The following IL1RAPL2 variants were observed in gnomAD, a reference collection of about 807,000 sequenced individuals.
The protein encoded by IL1RAPL2 is interleukin 1 receptor accessory protein like 2, also known as X-linked interleukin-1 receptor accessory protein-like 2.
IL1RAPL2 carries 3 observed loss-of-function variants against 44.1 expected under a neutral mutation model. The ratio of observed to expected loss-of-function variants is 0.07; its 90% CI spans 0.03 to 0.18. IL1RAPL2 has a LOEUF of 0.18. IL1RAPL2 is among the 10% of genes least tolerant of loss of function. The probability of loss-of-function intolerance (pLI) is 1.00; values close to 1 mark genes in which losing one functional copy is unlikely to be tolerated. For missense variants in IL1RAPL2, 391 were observed against 496.4 expected (o/e 0.79, Z 2.02); for synonymous variants, 181 against 178.8 (o/e 1.01, Z -0.10).
intron 2 of IL1RAPL2, among the ~76,000 whole-genome samples, chrX:104,734,604 T>C (rs1039485501): frequency 5.4e-5 from 6 of 111,705 alleles, no homozygotes; most frequent in Admixed American, 9.5e-5. Flanking sequence ...AAAACTACAG[T>C]GACAGAGTGG....
intron 1 of IL1RAPL2, among the ~76,000 whole-genome samples, chrX:104,597,911 A>AT (rs2147999132): frequency 8.9e-6 from 1 of 111,887 alleles, no homozygotes; most frequent in East Asian, 2.8e-4. Context: ...CATTTTAACC[A>AT]TTTTTCATAG....
At chrX:105,174,488 A>G (rs1275648990) in intron 2 of IL1RAPL2, among the ~76,000 whole-genome samples, 4 of 111,766 alleles carry the variant, frequency 3.6e-5, no homozygotes, top group Non-Finnish European at 3.8e-5. Context: ...GGAGGATGGT[A>G]CCACAGCTGG....
intron 2 of IL1RAPL2, among the ~76,000 whole-genome samples, chrX:104,725,548 G>T (rs1255872212): frequency 8.9e-6 from 1 of 111,749 alleles, no homozygotes; most frequent in Non-Finnish European, 1.9e-5. Context: ...AACATTTGTT[G>T]TTTCCTGACT....
At chrX:104,759,684 A>G (rs1932395509) in intron 2 of IL1RAPL2, among the ~76,000 whole-genome samples, 1 of 111,415 alleles carries the variant, frequency 9.0e-6, no homozygotes, top group South Asian at 3.8e-4. Context: ...TTGTGGATAC[A>G]TAGTAGATGT....
chrX:105,766,931 G>A, intron 10 of IL1RAPL2, 33 bp from the exon 11 acceptor site: 1 of 1,074,089 alleles, frequency 9.3e-7, no homozygotes, highest in Non-Finnish European at 1.3e-6. Flanking sequence ...CAATGTCTTT[G>A]TTTTACTCTT....
intron 2 of IL1RAPL2, among the ~76,000 whole-genome samples, chrX:105,070,999 T>G (rs1433384388): frequency 9.0e-6 from 1 of 111,681 alleles, no homozygotes; most frequent in African/African-American, 3.3e-5. Flanking sequence ...GCACTTGAAA[T>G]GTGACTAGTG....
intron 6 of IL1RAPL2, among the ~76,000 whole-genome samples, chrX:105,632,375 T>G (rs889834634): frequency 8.9e-6 from 1 of 111,871 alleles, no homozygotes; most frequent in African/African-American, 3.2e-5. Flanking sequence ...AGTTTGACAT[T>G]GACATGGGGA....
rs1023291556 is a variant in IL1RAPL2 at position 105,233,152 on chromosome X, C to T, written c.357-666C>T. ...CAAAAAAATTAGCCGGGCGTGGTGG[C>T]GGGTGCCTGTAGTTCCAGCTACTCG... On this transcript the variant is annotated intron_variant, in intron 3 of 10. Coordinates refer to ENST00000372582, the MANE Select transcript of IL1RAPL2 (RefSeq NM_017416.2). 6.3e-5 allele frequency among the ~76,000 whole-genome samples: 7 copies of T among 111,155 alleles called. No individual in the cohort carries two copies. In the South Asian group the frequency reaches 1.2e-3, roughly 18 times the overall value.
chrX:105,022,128 G>A (rs1217745624), intron 2 of IL1RAPL2, among the ~76,000 whole-genome samples: 1 of 110,644 alleles, frequency 9.0e-6, no homozygotes, highest in Non-Finnish European at 1.9e-5. Flanking sequence ...ATTAGATGCA[G>A]CATCCCATAC....
At chrX:104,921,002 G>GC (rs1343520873) in intron 2 of IL1RAPL2, among the ~76,000 whole-genome samples, 1 of 111,051 alleles carries the variant, frequency 9.0e-6, no homozygotes, top group Non-Finnish European at 1.9e-5. Flanking sequence ...ACCAGGACTG[G>GC]CCCCCAGACC....
chrX:105,741,703 A>T (rs2038501541), intron 8 of IL1RAPL2, among the ~76,000 whole-genome samples: 1 of 111,955 alleles, frequency 8.9e-6, no homozygotes, highest in Non-Finnish European at 1.9e-5. Flanking sequence ...ATCTTAAAAT[A>T]AAGGCATATT....
At chrX:104,631,506 T>C (rs1266829873) in intron 1 of IL1RAPL2, among the ~76,000 whole-genome samples, 5 of 111,201 alleles carry the variant, frequency 4.5e-5, no homozygotes, top group African/African-American at 1.6e-4. Context: ...ACCTGTTGTT[T>C]CCTGACTTTT....
chrX:105,098,335 G>A (rs748536314), intron 2 of IL1RAPL2, among the ~76,000 whole-genome samples: 6 of 111,175 alleles, frequency 5.4e-5, no homozygotes, highest in South Asian at 3.8e-4. Flanking sequence ...TTTCATCTCC[G>A]GTTCTACCCA....
chrX:105,465,516 C>A (rs780548990), intron 5 of IL1RAPL2, among the ~76,000 whole-genome samples: 4 of 111,762 alleles, frequency 3.6e-5, no homozygotes, highest in Non-Finnish European at 5.7e-5. Flanking sequence ...GACAGACTTG[C>A]TTTTACCTTA....
chrX:104,817,653 A>G (rs1010658988), intron 2 of IL1RAPL2, among the ~76,000 whole-genome samples: 4 of 111,880 alleles, frequency 3.6e-5, no homozygotes, highest in African/African-American at 9.7e-5. Flanking sequence ...TAGTAGATGT[A>G]TGACTTCAGG....
intron 2 of IL1RAPL2, among the ~76,000 whole-genome samples, chrX:104,929,824 A>G (rs999929163): frequency 8.9e-6 from 1 of 111,838 alleles, no homozygotes; most frequent in Admixed American, 9.5e-5. Context: ...AGTTTTTCAC[A>G]TGTTCCACAG....
chrX:104,671,070 A>T (rs773306506), intron 2 of IL1RAPL2, among the ~76,000 whole-genome samples: 162 of 111,206 alleles, frequency 1.5e-3, no homozygotes, highest in Non-Finnish European at 1.6e-3. Context: ...TTCATTCAAT[A>T]CTTAAATATT....
At chrX:105,232,634 T>C (rs1459772194) in intron 3 of IL1RAPL2, among the ~76,000 whole-genome samples, 1 of 111,850 alleles carries the variant, frequency 8.9e-6, no homozygotes, top group Non-Finnish European at 1.9e-5. Context: ...CCAGATAAGG[T>C]AGGGTAGAGA....
At chrX:105,298,727 G>T (rs954801882) in intron 5 of IL1RAPL2, among the ~76,000 whole-genome samples, 4 of 109,489 alleles carry the variant, frequency 3.7e-5, no homozygotes, top group Non-Finnish European at 7.6e-5. Context: ...TTTCAGACTG[G>T]GTAGGAAAAG....
Sources: allele counts gnomAD v4.1 joint callset (sites outside exome capture counted in the v4.1 genomes callset), GRCh38; gene constraint gnomAD v4.1.1; transcripts MANE v1.5; gene names NCBI Gene and HGNC (gene_info 2026-07-23, HGNC 2026-07-21).